Variants in LAMB1 observed in about 807,000 individuals in gnomAD.
The protein encoded by LAMB1 is laminin subunit beta-1.
In LAMB1, 121 loss-of-function variants were observed where a neutral mutation model predicts 222.3. That is an observed-to-expected ratio of 0.54 (90% CI 0.47 to 0.63). The LOEUF is 0.63. LAMB1 is among the 30% of genes least tolerant of loss of function. The pLI is 0.00. For synonymous variants in LAMB1, 794 were observed against 807.2 expected (o/e 0.98, Z 0.28); for missense variants, 2,172 against 2,240.8 (o/e 0.97, Z 0.62).
chr7:107,955,578 G>C lies in LAMB1; in HGVS notation c.2743C>G (p.Arg915Gly). The C allele has an allele frequency of 6.2e-7, 1 of 1,614,066 alleles. No individual in the cohort carries two copies. Among genetic ancestry groups the C allele is most frequent in the South Asian group, 1.1e-5 (1 of 91,072 alleles). Residue 915 changes from arginine (R) to glycine (G), a missense_variant, in exon 21 of 34, where the codon CGC (arginine) becomes GGC (glycine). Physicochemically the swap from Arg to Gly is moderately radical, Grantham distance 125. Coordinates refer to ENST00000222399, the MANE Select transcript of LAMB1 (RefSeq NM_002291.3). The stretch of plus-strand genomic sequence containing the variant: ...GGACCATCTGGGCAAGGGCAAGGGC[G>C]GCAGTGATCTCCTGACCCAATGATG... Reference protein sequence around the residue: ...DPIIGSGDHCRPCPCPDGPDS... With the variant: ...DPIIGSGDHCGPCPCPDGPDS...
In LAMB1 at chr7:107,964,545, T is replaced by C. The variant is rs761988358; in HGVS notation, c.1698+7A>G. ...TTTACCGACCTGCCACACACTCCCC[T>C]ACTCACAGGCCCCAAGTTGGCTTCC... is the stretch of plus-strand genomic sequence containing the variant. On this transcript the variant is annotated splice_region_variant and intron_variant, in intron 14 of 33. Coordinates refer to ENST00000222399, the MANE Select transcript of LAMB1 (RefSeq NM_002291.3). 9.9e-6 allele frequency: 16 copies of C among 1,614,086 alleles called. 1 individual carries two copies. The South Asian group carries it at 1.6e-4, about 17-fold the overall frequency.
chr7:107,937,022 G>A, intron 26 of LAMB1, 71 bp downstream of exon 26: 1 of 1,239,304 alleles, frequency 8.1e-7, no homozygotes, highest in Non-Finnish European at 1.1e-6. Context: ...TTCCCCAAAA[G>A]TGCTATATTA....
rs1461831257 is a variant in LAMB1, at chr7:107,952,021, T to C, written c.3282A>G (p.Pro1094=). The change falls in exon 23 of 34, where the codon CCA becomes CCG. Residue 1094 remains proline, a synonymous_variant. Transcript: ENST00000222399. The part of the protein sequence containing the change: ...CNCNAAHSFG[P]SCNEFTGQCQ... Reference sequence around the variant, plus strand: ...AGCAGCCCCTCACCTCATTGCAAGATGGCCCGAAGGAATGAGCAGCATTGC... The same window carrying C: ...AGCAGCCCCTCACCTCATTGCAAGACGGCCCGAAGGAATGAGCAGCATTGC... 10 of 1,610,902 alleles carry C rather than the reference T, an allele frequency of 6.2e-6. No individual in the cohort carries two copies. Among genetic ancestry groups the C allele is most frequent in the East Asian group, 2.2e-5 (1 of 44,800 alleles).
intron 14 of LAMB1, among the ~76,000 whole-genome samples, chr7:107,963,745 C>T (rs2033562935): frequency 6.6e-6 from 1 of 152,182 alleles, no homozygotes; most frequent in Admixed American, 6.5e-5. Flanking sequence ...ACTTCTGAGT[C>T]CAAGCTTTCA....
intron 29 of LAMB1, among the ~76,000 whole-genome samples, chr7:107,930,179 G>C (rs980636165): frequency 2.5e-4 from 38 of 152,180 alleles, no homozygotes; most frequent in African/African-American, 8.4e-4. Flanking sequence ...AGAAGCAGGA[G>C]AACCGGAATA....
intron 24 of LAMB1, among the ~76,000 whole-genome samples, chr7:107,950,279 T>G (rs1471368961): frequency 6.6e-6 from 1 of 150,920 alleles, no homozygotes; most frequent in East Asian, 1.9e-4. Context: ...ATTTCAGATG[T>G]GCAACAAATA....
At chr7:107,953,036 C>T (rs185717881) in intron 22 of LAMB1, among the ~76,000 whole-genome samples, 1 of 152,130 alleles carries the variant, frequency 6.6e-6, no homozygotes, top group Admixed American at 6.6e-5. Flanking sequence ...AGACCTCACT[C>T]CTGCCAGAAA....
intron 28 of LAMB1, 100 bp from the exon 29 acceptor site, chr7:107,931,600 A>G: frequency 8.9e-7 from 1 of 1,121,132 alleles, no homozygotes; most frequent in Non-Finnish European, 1.3e-6. Context: ...AAAACTATGT[A>G]CTTGGAATCA....
chr7:107,958,253 C>T (rs1200702097), intron 20 of LAMB1, among the ~76,000 whole-genome samples: 1 of 152,156 alleles, frequency 6.6e-6, no homozygotes, highest in Non-Finnish European at 1.5e-5. Context: ...TCCTTGCTAT[C>T]TTTCTACAAC....
Position 107,977,928 on chromosome 7 carries a change from G to GA in LAMB1, c.1000+118dup, listed in dbSNP as rs2033900003. On this transcript the variant is annotated intron_variant, in intron 9 of 33. Coordinates refer to ENST00000222399, the MANE Select transcript of LAMB1 (RefSeq NM_002291.3). ...GTCTAGGAGTATCAGGGTGAAGCTG[G>GA]AAAAAAGACAGTAACTTTTCTACCC... 13 of 1,137,570 alleles carry GA rather than the reference G, an allele frequency of 1.1e-5. No homozygotes were observed. In the South Asian group the frequency reaches 1.9e-4, roughly 17 times the overall value. The allele number at this position is 1,137,570 out of a possible 1,614,324, so 70.5% of individuals were successfully genotyped here.
intron 22 of LAMB1, 42 bp downstream of exon 22, chr7:107,953,488 G>A: frequency 7.3e-7 from 1 of 1,362,730 alleles, no homozygotes; most frequent in Non-Finnish European, 1.0e-6. Context: ...AAAAAAGGTG[G>A]AAGTCATTCT....
At chr7:107,978,468 A>C (rs1035406494) in intron 8 of LAMB1, among the ~76,000 whole-genome samples, 4 of 151,362 alleles carry the variant, frequency 2.6e-5, no homozygotes, top group Admixed American at 1.3e-4. Flanking sequence ...AAAAAAAAAA[A>C]AAAACTAGTT....
rs544131289 is a variant in LAMB1 at position 107,964,949 on chromosome 7, G to T, written c.1563-262C>A. 5.9e-5 allele frequency among the ~76,000 whole-genome samples: 9 copies of T among 152,234 alleles called. No individual in the cohort carries two copies. The South Asian group carries it at 1.9e-3, about 32-fold the overall frequency. ...AACACGCCGTCCGCATCACATGAAG[G>T]TTTTCCACATCCCAAACCTTCTTGC... On this transcript the variant is annotated intron_variant, in intron 13 of 33. Transcript: ENST00000222399.
intron 24 of LAMB1, 84 bp downstream of exon 24, chr7:107,951,141 GT>G: frequency 1.1e-6 from 1 of 949,432 alleles, no homozygotes; most frequent in Admixed American, 2.0e-5. Flanking sequence ...TTTGTACTGT[GT>G]TTTATAATTT....
At chr7:107,935,790 A>G (rs2032834218) in intron 26 of LAMB1, 134 bp from the exon 27 acceptor site, 4 of 1,014,626 alleles carry the variant, frequency 3.9e-6, no homozygotes, top group Non-Finnish European at 5.7e-6. Context: ...AATATTTATG[A>G]AGTACAGTTT....
intron 11 of LAMB1, 46 bp downstream of exon 11, chr7:107,975,188 T>C: frequency 1.3e-6 from 2 of 1,587,050 alleles, no homozygotes; most frequent in Non-Finnish European, 1.7e-6. Context: ...AAAATGGGAA[T>C]TTCAAACACA....
rs1456691358 is a variant in LAMB1 at position 107,960,619 on chromosome 7, C to T, written c.2140G>A (p.Asp714Asn). The change falls in exon 18 of 34, where the codon GAC becomes AAC. Residue 714 changes from aspartate to asparagine, a missense_variant. Coordinates refer to ENST00000222399, the MANE Select transcript of LAMB1 (RefSeq NM_002291.3). ...CCTGAACCTCCCACGGTGAAGATGT[C>T]CAGTGATTTACAGTATGGCATGAGA... ...LVLMPYCKSL[D>N]IFTVGGSGDG... 6.2e-7 allele frequency: 1 copy of T among 1,614,208 alleles called. No homozygotes were observed. The highest frequency in any genetic ancestry group is 1.3e-5 in the African/African-American group (1 of 75,048).
Position 107,960,641 on chromosome 7 carries a change from G to A in LAMB1, c.2118C>T (p.Leu706=), listed in dbSNP as rs751278462. ...TGTCCAGTGATTTACAGTATGGCAT[G>A]AGAACAAGCTGTGAAGAAATGAGAA... ...SPYTLIDSLV[L]MPYCKSLDIF... The change falls in exon 18 of 34, where the codon CTC becomes CTT. Residue 706 remains leucine, a synonymous_variant. Coordinates refer to ENST00000222399, the MANE Select transcript of LAMB1 (RefSeq NM_002291.3). 15 of 1,613,966 alleles carry A rather than the reference G, an allele frequency of 9.3e-6. No individual in the cohort carries two copies. The highest frequency in any genetic ancestry group is 3.3e-5 in the Admixed American group (2 of 60,010).
intron 5 of LAMB1, among the ~76,000 whole-genome samples, chr7:107,989,106 A>G (rs1424535466): frequency 6.6e-6 from 1 of 152,204 alleles, no homozygotes; most frequent in African/African-American, 2.4e-5. Flanking sequence ...AATGAGTGTC[A>G]GAGGGAAAAG....
Sources: allele counts gnomAD v4.1 joint callset (sites outside exome capture counted in the v4.1 genomes callset), GRCh38; gene constraint gnomAD v4.1.1; transcripts MANE v1.5; gene names NCBI Gene and HGNC (gene_info 2026-07-23, HGNC 2026-07-21).